RASEF: variants seen among roughly 807,000 people sequenced by gnomAD.
RASEF encodes the protein ras and EF-hand domain-containing protein.
Under a neutral mutation model 90.1 loss-of-function variants are expected in RASEF, and 68 were observed. The observed-to-expected ratio is 0.75, with a 90% CI of 0.62 to 0.92. RASEF has a LOEUF of 0.92. Ranked by LOEUF, RASEF falls within the 40% of genes least tolerant of loss-of-function variation. The pLI is 0.00. For synonymous variants in RASEF, 331 were observed against 345.2 expected, an observed-to-expected ratio of 0.96 and a Z score of 0.46; for missense variants, 949 against 937.2, an observed-to-expected ratio of 1.01 and a Z score of -0.16.
At position 83,037,025 on chromosome 9, in the gene RASEF, T is replaced by C. The variant is rs926337211; in HGVS notation, c.432-11104A>G. ...TGAAAACCAGAAAATATAAATCTCC[T>C]GAAGAGCAACAGGAACTATGTCTTT... On this transcript the variant is annotated intron_variant, in intron 1 of 16. Transcript: ENST00000376447. Among the ~76,000 whole-genome samples, 150 of 152,134 alleles carry C rather than the reference T, an allele frequency of 9.9e-4. 2 individuals carry two copies. Among genetic ancestry groups the C allele is most frequent in the African/African-American group, 3.5e-3 (144 of 41,442 alleles).
At chr9:83,003,620 C>G (rs1448299722) in intron 9 of RASEF, among the ~76,000 whole-genome samples, 1 of 152,112 alleles carries the variant, frequency 6.6e-6, no homozygotes, top group African/African-American at 2.4e-5. Flanking sequence ...ACAGTAGAAA[C>G]CACTTAAACC....
chr9:83,026,118 C>T (rs537149038), intron 1 of RASEF, among the ~76,000 whole-genome samples, 197 bp from the exon 2 acceptor site: 2 of 152,116 alleles, frequency 1.3e-5, no homozygotes, highest in Admixed American at 1.3e-4. Flanking sequence ...ATGGGGCCTG[C>T]GAGGACAGTG....
chr9:82,989,383 A>C (rs547948121), intron 16 of RASEF, among the ~76,000 whole-genome samples: 1 of 152,190 alleles, frequency 6.6e-6, no homozygotes, highest in South Asian at 2.1e-4. Flanking sequence ...GTCCATCAAG[A>C]ATCTGTTTCC....
the RASEF span, among the ~76,000 whole-genome samples, chr9:83,174,307 G>T: frequency 3.0e-3 from 459 of 152,046 alleles, 2 homozygotes; most frequent in African/African-American, 0.011. Context: ...AGTCCATTTT[G>T]AGTTAATTTT....
At chr9:83,004,684 G>A (rs1044078322) in intron 8 of RASEF, 98 bp from the exon 9 acceptor site, 9 of 717,110 alleles carry the variant, frequency 1.3e-5, no homozygotes, top group Admixed American at 1.1e-4. Context: ...TAAAACTGTA[G>A]CACACTACTC....
At chr9:83,059,317 C>A (rs767301148) in intron 1 of RASEF, among the ~76,000 whole-genome samples, 11 of 146,948 alleles carry the variant, frequency 7.5e-5, no homozygotes, top group Non-Finnish European at 1.5e-4. Flanking sequence ...CTATTTCCTT[C>A]TCTTGGCAAT....
At chr9:83,104,422 A>G in the RASEF span, among the ~76,000 whole-genome samples, 33 of 152,312 alleles carry the variant, frequency 2.2e-4, no homozygotes, top group Non-Finnish European at 3.4e-4. Context: ...TAAGAAACTG[A>G]GAGAGCTTGC....
rs140035540 is a variant in RASEF, at chr9:83,049,237, C to T, written c.431+13200G>A. ...AAATCAGATATAAACTTCCTTGTAC[C>T]AACAGCATCAGTACATTTCTAAAAT... On this transcript the variant is annotated intron_variant, in intron 1 of 16. Coordinates refer to ENST00000376447, the MANE Select transcript of RASEF (RefSeq NM_152573.4). 4.1e-5 allele frequency: 33 copies of T among 806,310 alleles called. No homozygotes were observed. In the East Asian group the frequency reaches 3.7e-3, roughly 89 times the overall value. 49.9% of individuals were successfully genotyped at this position (806,310 alleles called of 1,614,324 possible).
At chr9:83,096,183 T>G in the RASEF span, among the ~76,000 whole-genome samples, 1 of 152,192 alleles carries the variant, frequency 6.6e-6, no homozygotes, top group East Asian at 1.9e-4. Flanking sequence ...AGTCACATTG[T>G]GCCTTGTCCC....
At chr9:83,145,233 A>G in the RASEF span, among the ~76,000 whole-genome samples, 1 of 152,182 alleles carries the variant, frequency 6.6e-6, no homozygotes. Flanking sequence ...ACTATAAAAC[A>G]TATAGAAGAA....
intron 1 of RASEF, among the ~76,000 whole-genome samples, chr9:83,028,727 T>A (rs1168204653): frequency 6.6e-6 from 1 of 152,204 alleles, no homozygotes; most frequent in Non-Finnish European, 1.5e-5. Flanking sequence ...TAAGGAAATG[T>A]ATATGCATCC....
At chr9:83,151,353 G>T in the RASEF span, among the ~76,000 whole-genome samples, 1 of 152,148 alleles carries the variant, frequency 6.6e-6, no homozygotes, top group South Asian at 2.1e-4. Context: ...AGGGAATTTA[G>T]GTGGTGGGAC....
At chr9:83,103,193 C>T in the RASEF span, among the ~76,000 whole-genome samples, 1 of 152,084 alleles carries the variant, frequency 6.6e-6, no homozygotes, top group African/African-American at 2.4e-5. Context: ...TGTAGGAGGC[C>T]CAGGCTTGAA....
At chr9:83,032,487 T>C (rs1329812778) in intron 1 of RASEF, among the ~76,000 whole-genome samples, 1 of 152,172 alleles carries the variant, frequency 6.6e-6, no homozygotes, top group Non-Finnish European at 1.5e-5. Context: ...ACAAAAGAAG[T>C]CTCTGCATCT....
chr9:83,128,025 C>CTTTTTTTTTTTTTTTT, the RASEF span, among the ~76,000 whole-genome samples: 1 of 134,722 alleles, frequency 7.4e-6, no homozygotes, highest in East Asian at 2.1e-4. Context: ...TTTTTCTTTT[C>CTTTTTTTTTTTTTTTT]TTTTTTTTTT....
chr9:83,008,891 C>CTCATATATATATATATATATAT lies in RASEF; in HGVS notation c.959+749_959+750insATATATATATATATATATATGA, dbSNP rs57817845. On this transcript the variant is annotated intron_variant, in intron 6 of 16. Transcript: ENST00000376447. ...TCCCAACTAAATTTGAAGTTCTCAT[C>CTCATATATATATATATATATAT]ATATATATATATATATATATATATA... Among the ~76,000 whole-genome samples the CTCATATATATATATATATATAT allele has an allele frequency of 1.0e-4, 2 of 19,558 alleles. 1 individual carries two copies. The highest frequency in any genetic ancestry group is 2.3e-4 in the Non-Finnish European group (2 of 8,622). 12.8% of individuals were successfully genotyped at this position (19,558 alleles called of 152,430 possible). A position where few individuals can be genotyped will look rare whatever the true frequency, so the allele number is the denominator to read the frequency against.
At chr9:83,206,618 T>C in the RASEF span, among the ~76,000 whole-genome samples, 1 of 152,348 alleles carries the variant, frequency 6.6e-6, no homozygotes, top group Admixed American at 6.5e-5. Context: ...GTATACGCTA[T>C]ATGCTGATAA....
chr9:83,148,272 C>T, the RASEF span, among the ~76,000 whole-genome samples: 311 of 152,200 alleles, frequency 2.0e-3, 1 homozygote, highest in Non-Finnish European at 3.0e-3. Context: ...GTGTTATGGG[C>T]TGAACTGTGA....
At chr9:82,997,321 C>G (rs1828940287) in intron 13 of RASEF, among the ~76,000 whole-genome samples, 195 bp from the exon 14 acceptor site, 1 of 152,132 alleles carries the variant, frequency 6.6e-6, no homozygotes, top group East Asian at 1.9e-4. Context: ...ATCTGGGTGA[C>G]CGACTTAGAA....
Sources: allele counts gnomAD v4.1 joint callset (sites outside exome capture counted in the v4.1 genomes callset), GRCh38; gene constraint gnomAD v4.1.1; transcripts MANE v1.5; gene names NCBI Gene and HGNC (gene_info 2026-07-23, HGNC 2026-07-21).